RBMS3: variants seen among roughly 807,000 people sequenced by gnomAD.
The protein encoded by RBMS3 is RNA-binding motif, single-stranded-interacting protein 3.
RBMS3 carries 27 observed loss-of-function variants against 66.8 expected under a neutral mutation model. The ratio of observed to expected loss-of-function variants is 0.40; its 90% CI spans 0.30 to 0.56. The LOEUF (loss-of-function observed/expected upper bound fraction) is 0.56. RBMS3 is among the 20% of genes least tolerant of loss of function. RBMS3 has a pLI of 0.40. For synonymous variants in RBMS3, 188 were observed against 183.0 expected (o/e 1.03, Z -0.22); for missense variants, 513 against 549.5 (o/e 0.93, Z 0.66).
intron 10 of RBMS3, among the ~76,000 whole-genome samples, chr3:29,905,540 C>T (rs1190549641): frequency 1.3e-5 from 2 of 152,008 alleles, no homozygotes; most frequent in Non-Finnish European, 2.9e-5. Flanking sequence ...CAATATTTAT[C>T]ACATAATAAA....
intron 2 of RBMS3, 140 bp from the exon 3 acceptor site, chr3:29,488,301 C>T (rs1315520478): frequency 3.3e-6 from 2 of 606,984 alleles, no homozygotes; most frequent in Non-Finnish European, 5.7e-6. Context: ...GGACATCATC[C>T]AGGTGTGAAA....
Position 29,541,980 on chromosome 3 carries a change from G to A in RBMS3, c.308-45134G>A. Among the ~76,000 whole-genome samples the A allele has an allele frequency of 1.3e-5, 2 of 152,014 alleles. 1 individual carries two copies. Among genetic ancestry groups the A allele is most frequent in the East Asian group, 3.9e-4 (2 of 5,160 alleles). ...CACCCCAGCTAAAGGATCAAATCTT[G>A]TTCCATTTCTCACTATCTTTTTCCC... On this transcript the variant is annotated intron_variant, in intron 3 of 14. Coordinates refer to ENST00000383767, the MANE Select transcript of RBMS3 (RefSeq NM_001003793.3).
intron 6 of RBMS3, among the ~76,000 whole-genome samples, chr3:29,776,220 G>A (rs2056421812): frequency 6.6e-6 from 1 of 151,878 alleles, no homozygotes; most frequent in Non-Finnish European, 1.5e-5. Flanking sequence ...GATCCCCTTT[G>A]CCCTTTATGA....
intron 3 of RBMS3, among the ~76,000 whole-genome samples, chr3:29,511,968 T>C (rs960146101): frequency 5.3e-5 from 8 of 152,138 alleles, no homozygotes; most frequent in African/African-American, 1.4e-4. Flanking sequence ...CCAGTAACAT[T>C]TGGTTTAAAT....
chr3:29,702,214 T>C (rs545308912), intron 4 of RBMS3, among the ~76,000 whole-genome samples: 1 of 150,418 alleles, frequency 6.6e-6, no homozygotes, highest in South Asian at 2.1e-4. Context: ...GGATTGTAAA[T>C]CCACCAATCA....
intron 1 of RBMS3, among the ~76,000 whole-genome samples, chr3:29,285,038 T>A (rs1479943526): frequency 6.6e-6 from 1 of 151,306 alleles, no homozygotes; most frequent in African/African-American, 2.4e-5. Flanking sequence ...CCCAGAATAA[T>A]CAGCAAGTTT....
At chr3:29,878,640 T>A (rs575814668) in intron 7 of RBMS3, among the ~76,000 whole-genome samples, 11 of 152,156 alleles carry the variant, frequency 7.2e-5, no homozygotes, top group Non-Finnish European at 1.5e-4. Flanking sequence ...ATTACTTTCA[T>A]AAATGATATG....
rs528906775 is a variant in RBMS3, at chr3:29,445,575, A to G, written c.248+10660A>G. Among the ~76,000 whole-genome samples the G allele has an allele frequency of 2.0e-4, 31 of 152,146 alleles. No homozygotes were observed. In the South Asian group the frequency reaches 4.4e-3, roughly 21 times the overall value. ...GTTTTTTCACAGATTTCTCTTTGCAATCTTTGACTTTTAGGGGCACACAAT... is the reference window on the plus strand; with the variant it reads ...GTTTTTTCACAGATTTCTCTTTGCAGTCTTTGACTTTTAGGGGCACACAAT... On this transcript the variant is annotated intron_variant, in intron 2 of 14. Coordinates refer to ENST00000383767, the MANE Select transcript of RBMS3 (RefSeq NM_001003793.3).
At position 29,288,364 on chromosome 3, in the gene RBMS3, A is replaced by G. The variant is rs373794719; in HGVS notation, c.75+6608A>G. 1.7e-4 allele frequency among the ~76,000 whole-genome samples: 26 copies of G among 152,088 alleles called. No individual in the cohort carries two copies. The East Asian group carries it at 3.7e-3, about 22-fold the overall frequency. ...AATTTAACTGTCTTCATCCTTTCAC[A>G]CATCTAAATCCAGTGCACTGAGAGA... On this transcript the variant is annotated intron_variant, in intron 1 of 14. Transcript: ENST00000383767.
chr3:29,718,357 G>A (rs1044641241), intron 4 of RBMS3, among the ~76,000 whole-genome samples: 4 of 151,696 alleles, frequency 2.6e-5, no homozygotes, highest in Admixed American at 2.0e-4. Flanking sequence ...AGCCCACGAG[G>A]CAAAAATTTT....
intron 10 of RBMS3, among the ~76,000 whole-genome samples, chr3:29,932,457 T>TA (rs1177698666): frequency 6.6e-6 from 1 of 152,168 alleles, no homozygotes; most frequent in African/African-American, 2.4e-5. Flanking sequence ...GAGAGCTTGT[T>TA]AAAATACAGA....
chr3:29,388,909 A>G (rs2039145180), intron 1 of RBMS3, among the ~76,000 whole-genome samples: 1 of 152,212 alleles, frequency 6.6e-6, no homozygotes, highest in African/African-American at 2.4e-5. Flanking sequence ...TCTTACAGAA[A>G]GAGCTTGCAG....
intron 4 of RBMS3, among the ~76,000 whole-genome samples, chr3:29,715,035 C>A (rs2053333043): frequency 6.6e-6 from 1 of 152,126 alleles, no homozygotes; most frequent in Admixed American, 6.6e-5. Context: ...GCAACAACTT[C>A]TTGAAGATAA....
chr3:29,572,714 T>A (rs1204285586), intron 3 of RBMS3, among the ~76,000 whole-genome samples: 1 of 152,218 alleles, frequency 6.6e-6, no homozygotes, highest in African/African-American at 2.4e-5. Flanking sequence ...TCAGAGATAT[T>A]GGCCTGTAGT....
At chr3:29,399,516 C>G (rs1197717050) in intron 1 of RBMS3, among the ~76,000 whole-genome samples, 1 of 152,156 alleles carries the variant, frequency 6.6e-6, no homozygotes, top group Non-Finnish European at 1.5e-5. Context: ...TGAATTGCTA[C>G]TGAAAAGTTG....
At chr3:29,602,737 T>C (rs566115891) in intron 4 of RBMS3, among the ~76,000 whole-genome samples, 8 of 152,158 alleles carry the variant, frequency 5.3e-5, no homozygotes, top group African/African-American at 1.9e-4. Flanking sequence ...TTTGTTATGG[T>C]AAAGACATTA....
intron 12 of RBMS3, among the ~76,000 whole-genome samples, chr3:29,961,306 CCATAT>C (rs1343869148): frequency 6.6e-6 from 1 of 152,150 alleles, no homozygotes; most frequent in Non-Finnish European, 1.5e-5. Context: ...ACTTCATTGT[CCATAT>C]CACTATCAGC....
intron 3 of RBMS3, among the ~76,000 whole-genome samples, chr3:29,554,162 A>T (rs35889): frequency 0.54 from 82,019 of 151,802 alleles, 22,840 homozygotes; most frequent in African/African-American, 0.65. Flanking sequence ...ATTTATAGTA[A>T]GTAGTTTATA....
chr3:29,443,100 C>T (rs2041687192), intron 2 of RBMS3, among the ~76,000 whole-genome samples: 1 of 152,092 alleles, frequency 6.6e-6, no homozygotes, highest in Non-Finnish European at 1.5e-5. Context: ...CTATCAAATT[C>T]ATTGTCCAAA....
Sources: allele counts gnomAD v4.1 joint callset (sites outside exome capture counted in the v4.1 genomes callset), GRCh38; gene constraint gnomAD v4.1.1; transcripts MANE v1.5; gene names NCBI Gene and HGNC (gene_info 2026-07-23, HGNC 2026-07-21).